PMS2: variants seen among roughly 807,000 people sequenced by gnomAD.
PMS2 encodes mismatch repair endonuclease PMS2.
Under a neutral mutation model 90.0 loss-of-function variants are expected in PMS2, and 69 were observed. The ratio of observed to expected loss-of-function variants is 0.77; its 90% CI spans 0.63 to 0.94. PMS2 has a LOEUF of 0.94. Among genes scored for constraint, PMS2 ranks in the 40% least tolerant of loss-of-function variants. The pLI is 0.00. For synonymous variants in PMS2, 332 were observed against 375.1 expected (o/e 0.89, Z 1.33); for missense variants, 966 against 1,040.2 (o/e 0.93, Z 0.98).
At chr7:6,007,588 TTTAA>T (rs1206043858) in intron 1 of PMS2, among the ~76,000 whole-genome samples, 1 of 152,164 alleles carries the variant, frequency 6.6e-6, no homozygotes, top group African/African-American at 2.4e-5. Context: ...CAGCAAACAG[TTTAA>T]TTGATAACTT....
chr7:6,003,477 C>A, intron 4 of PMS2: 2 of 567,936 alleles, frequency 3.5e-6, no homozygotes, highest in East Asian at 5.8e-5. Flanking sequence ...ATAAGGGTAA[C>A]CATCTTTTTA....
intron 7 of PMS2, among the ~76,000 whole-genome samples, chr7:5,996,584 A>AC (rs200801067): frequency 0.032 from 3,078 of 97,608 alleles, 110 homozygotes; most frequent in African/African-American, 0.15. Flanking sequence ...AGCTAAAAAA[A>AC]AAAAAAATAT....
rs200640585 is a variant in PMS2 at position 5,992,018 on chromosome 7, G to A, written c.943C>T (p.Arg315Ter). ...LVNEVYHMYN[R>*]HQYPFVVLNI... ...AGAACAACAAATGGATACTGGTGTC[G>A]ATTATACATGTGGTAGACCTCATTC... Residue 315 changes from arginine (R) to a stop codon, truncating the protein, a stop_gained, in exon 9 of 15, where the codon CGA (arginine) becomes TGA (stop). Transcript: ENST00000265849. LOFTEE classifies it high-confidence loss of function. The A allele has an allele frequency of 1.4e-5, 22 of 1,601,828 alleles. No homozygotes were observed. Among genetic ancestry groups the A allele is most frequent in the East Asian group, 4.5e-5 (2 of 44,826 alleles).
intron 14 of PMS2, among the ~76,000 whole-genome samples, chr7:5,977,215 C>T (rs879826429): frequency 2.3e-3 from 345 of 147,950 alleles, no homozygotes; most frequent in South Asian, 0.017. Context: ...ACACCACGCC[C>T]GGCTAATTTT....
chr7:5,981,059 G>A (rs1205493487), intron 12 of PMS2, among the ~76,000 whole-genome samples: 4 of 151,648 alleles, frequency 2.6e-5, no homozygotes, highest in African/African-American at 7.3e-5. Context: ...TTTCCCACAC[G>A]AAAATCCATG....
chr7:6,008,708 G>C (rs1254195854), intron 1 of PMS2, among the ~76,000 whole-genome samples: 1 of 152,084 alleles, frequency 6.6e-6, no homozygotes, highest in African/African-American at 2.4e-5. Flanking sequence ...CCACGGCCCT[G>C]TGATGGGATG....
intron 1 of PMS2, among the ~76,000 whole-genome samples, chr7:6,008,111 C>G (rs566938872): frequency 1.3e-5 from 2 of 152,258 alleles, no homozygotes; most frequent in East Asian, 3.9e-4. Flanking sequence ...CCCGCCTTGG[C>G]CTCCCAAAGT....
chr7:6,001,615 C>T (rs1282943638), intron 5 of PMS2, among the ~76,000 whole-genome samples: 3 of 152,026 alleles, frequency 2.0e-5, no homozygotes, highest in Non-Finnish European at 2.9e-5. Flanking sequence ...GTGATCCACC[C>T]GCCTCAGCCT....
rs1015197770 is a variant in PMS2 at position 5,996,101 on chromosome 7, A to G, written c.804-468T>C. Among the ~76,000 whole-genome samples, 31 of 152,164 alleles carry G rather than the reference A, an allele frequency of 2.0e-4. 1 individual carries two copies. The highest frequency in any genetic ancestry group is 2.0e-3 in the Admixed American group (30 of 15,240). On this transcript the variant is annotated intron_variant, in intron 7 of 14. Transcript: ENST00000265849. ...TGTCTTGGTAAAGCGCTTGCTTCAC[A>G]TGAGACCCACCCCAGGGATACCGGC...
At position 5,987,390 on chromosome 7, in the gene PMS2, A is replaced by C. The variant is rs754082085; in HGVS notation, c.1375T>G (p.Ser459Ala). Residue 459 changes from serine to alanine, a missense_variant, in exon 11 of 15, where the codon TCA becomes GCA. Ser to Ala is a moderately conservative substitution (Grantham distance 99, BLOSUM62 1). Transcript: ENST00000265849. ...ACGCCTTTGTCAGAGATGGCACCTG[A>C]AGTGCTAGAAGACAGCATACCCCTT... Reference protein sequence around the residue: ...QKRGMLSSSTSGAISDKGVLR... With the variant: ...QKRGMLSSSTAGAISDKGVLR... The C allele has an allele frequency of 6.2e-7, 1 of 1,614,172 alleles. No individual in the cohort carries two copies. Among genetic ancestry groups the C allele is most frequent in the Non-Finnish European group, 8.5e-7 (1 of 1,180,028 alleles).
intron 10 of PMS2, among the ~76,000 whole-genome samples, chr7:5,989,568 G>T (rs1783481925): frequency 1.3e-5 from 2 of 152,136 alleles, no homozygotes; most frequent in African/African-American, 4.8e-5. Context: ...TTGGGAGGCT[G>T]AGGCAGGAAG....
At chr7:6,002,048 C>T (rs1785144598) in intron 5 of PMS2, 1 of 172,116 alleles carries the variant, frequency 5.8e-6, no homozygotes, top group African/African-American at 2.4e-5. Context: ...TATATTTTTC[C>T]AGACAGGATC....
chr7:5,978,181 C>G (rs1484136104), intron 13 of PMS2, among the ~76,000 whole-genome samples: 1 of 149,906 alleles, frequency 6.7e-6, no homozygotes, highest in Non-Finnish European at 1.5e-5. Context: ...TTTGGAGGAA[C>G]TTTTTAATCT....
In PMS2 at chr7:5,987,192, C is replaced by T. The variant is rs1265449448; in HGVS notation, c.1573G>A (p.Gly525Arg). The T allele has an allele frequency of 1.2e-6, 2 of 1,614,118 alleles. No homozygotes were observed. The highest frequency in any genetic ancestry group is 1.7e-5 in the Admixed American group (1 of 60,008). The stretch of plus-strand genomic sequence containing the variant: ...ACATGTTCCTGCGAGCCCCTGTCCC[C>T]TGGGGAGCTGGCCGCATACTCGCTG... ...CSSEYAASSP[G>R]DRGSQEHVDS... The change falls in exon 11 of 15, where the codon GGG becomes AGG. Residue 525 changes from glycine to arginine, a missense_variant. This residue lies in a region of PMS2 where 871 missense variants were observed against 802.4 expected (regional missense o/e 1.09). Transcript: ENST00000265849.
chr7:5,992,593 T>A (rs1262333192), intron 8 of PMS2, among the ~76,000 whole-genome samples: 1 of 152,192 alleles, frequency 6.6e-6, no homozygotes, highest in Non-Finnish European at 1.5e-5. Context: ...GTGCTGGGAT[T>A]ATAGGCGTAA....
intron 4 of PMS2, chr7:6,003,315 A>G (rs1044842265): frequency 6.7e-6 from 1 of 148,372 alleles, no homozygotes; most frequent in African/African-American, 2.4e-5. Flanking sequence ...AGATATATAT[A>G]TATATATATA....
chr7:5,977,822 T>C, intron 13 of PMS2, 65 bp from the exon 14 acceptor site: 3 of 1,570,654 alleles, frequency 1.9e-6, no homozygotes, highest in Non-Finnish European at 2.6e-6. Context: ...GAAAGCTACT[T>C]AGGATGAACA....
chr7:5,998,287 G>A (rs1406643362), intron 6 of PMS2, among the ~76,000 whole-genome samples: 1 of 150,594 alleles, frequency 6.6e-6, no homozygotes, highest in Non-Finnish European at 1.5e-5. Flanking sequence ...TCACCATATT[G>A]ATCAGGCTGG....
chr7:5,988,886 C>G (rs1160565206), intron 10 of PMS2, among the ~76,000 whole-genome samples: 1 of 152,130 alleles, frequency 6.6e-6, no homozygotes, highest in South Asian at 2.1e-4. Context: ...GACGGAGTCT[C>G]GCTTTGTCAC....
Sources: allele counts gnomAD v4.1 joint callset (sites outside exome capture counted in the v4.1 genomes callset), GRCh38; gene constraint gnomAD v4.1.1; regional missense constraint gnomAD v4.1.1; transcripts MANE v1.5; gene names NCBI Gene and HGNC (gene_info 2026-07-23, HGNC 2026-07-21).